The following PDCD7 variants were observed in gnomAD, a reference collection of about 807,000 sequenced individuals.
The protein encoded by PDCD7 is programmed cell death 7.
A neutral mutation model predicts 42.1 loss-of-function variants in PDCD7; 40 were observed. That is an observed-to-expected ratio of 0.95 (90% CI 0.74 to 1.24). PDCD7 has a LOEUF of 1.24. Ranked by LOEUF, PDCD7 falls within the 50% of genes most tolerant of loss-of-function variation. The pLI, the probability that PDCD7 is intolerant of heterozygous loss-of-function variation, is 0.00. For synonymous variants in PDCD7, 299 were observed against 303.3 expected (o/e 0.99, Z 0.15); for missense variants, 644 against 662.8 (o/e 0.97, Z 0.31).
rs142897306 is a variant in PDCD7 at position 65,128,202 on chromosome 15, C to T, written c.1009+830G>A. Among the ~76,000 whole-genome samples, 109 of 152,288 alleles carry T rather than the reference C, an allele frequency of 7.2e-4. 1 individual carries two copies. Among genetic ancestry groups the T allele is most frequent in the African/African-American group, 2.6e-3 (107 of 41,546 alleles). On this transcript the variant is annotated intron_variant, in intron 2 of 4. Coordinates refer to ENST00000204549, the MANE Select transcript of PDCD7 (RefSeq NM_005707.2). Reference sequence around the variant, plus strand: ...CACTCTCAAATATCTCTGGTGAATACCAAAGGCCTACAATCTACTAAATAA... The same window carrying T: ...CACTCTCAAATATCTCTGGTGAATATCAAAGGCCTACAATCTACTAAATAA...
chr15:65,120,663 A>ACAC (rs1175486846), intron 2 of PDCD7, among the ~76,000 whole-genome samples: 2 of 152,056 alleles, frequency 1.3e-5, no homozygotes, highest in Non-Finnish European at 2.9e-5. Context: ...AGCGGAGATC[A>ACAC]CACCACTGCA....
intron 3 of PDCD7, 47 bp from the exon 4 acceptor site, chr15:65,119,510 A>G: frequency 1.4e-6 from 2 of 1,402,694 alleles, no homozygotes; most frequent in Non-Finnish European, 2.0e-6. Flanking sequence ...TGATATCCAC[A>G]GTGTATTTCT....
chr15:65,129,318 T>C, intron 1 of PDCD7, 148 bp from the exon 2 acceptor site: 4 of 820,012 alleles, frequency 4.9e-6, no homozygotes, highest in Non-Finnish European at 7.7e-6. Flanking sequence ...TCTTAGGCCT[T>C]GCACAACTCC....
intron 2 of PDCD7, among the ~76,000 whole-genome samples, chr15:65,123,981 T>C (rs1192487934): frequency 1.3e-5 from 2 of 152,218 alleles, no homozygotes; most frequent in African/African-American, 4.8e-5. Flanking sequence ...AATCTGTCTA[T>C]GGCGAAATAC....
chr15:65,120,031 A>G (rs2087440679), intron 2 of PDCD7, 77 bp from the exon 3 acceptor site: 1 of 1,464,334 alleles, frequency 6.8e-7, no homozygotes, highest in Non-Finnish European at 9.2e-7. Flanking sequence ...CCCAGGCTGG[A>G]GTACAGTGGT....
chr15:65,119,103 T>C (rs2087430623), intron 4 of PDCD7: 1 of 480,464 alleles, frequency 2.1e-6, no homozygotes, highest in Non-Finnish European at 3.6e-6. Context: ...TGTATTTGCA[T>C]ATGTGCCTAC....
intron 2 of PDCD7, among the ~76,000 whole-genome samples, chr15:65,125,629 A>G (rs901910621): frequency 6.6e-6 from 1 of 152,184 alleles, no homozygotes; most frequent in Non-Finnish European, 1.5e-5. Context: ...AAACATGTAT[A>G]TAGCATTTAC....
chr15:65,132,293 T>C (rs2087546689), intron 1 of PDCD7, among the ~76,000 whole-genome samples: 1 of 151,496 alleles, frequency 6.6e-6, no homozygotes, highest in African/African-American at 2.4e-5. Context: ...CTCTATTTTT[T>C]TTTTTTTTGA....
intron 2 of PDCD7, among the ~76,000 whole-genome samples, chr15:65,123,907 C>CT (rs1352218743): frequency 1.3e-5 from 2 of 152,156 alleles, no homozygotes; most frequent in African/African-American, 4.8e-5. Context: ...TGTTTCATTT[C>CT]TTTACCTTTA....
chr15:65,133,351 C>A lies in PDCD7; in HGVS notation c.431G>T (p.Arg144Leu). ...GDAALQRLRD[R>L]QWLEAVFGTP... The stretch of plus-strand genomic sequence containing the variant: ...CCCGAACACCGCCTCCAGCCACTGC[C>A]GGTCGCGCAGGCGTTGGAGGGCCGC... The change falls in exon 1 of 5, where the codon CGG becomes CTG. Residue 144 changes from arginine to leucine, a missense_variant. By Grantham distance (102) the Arg-to-Leu change is moderately radical. Transcript: ENST00000204549. 2.4e-6 allele frequency: 3 copies of A among 1,246,950 alleles called. No homozygotes were observed. Among genetic ancestry groups the A allele is most frequent in the Non-Finnish European group, 3.0e-6 (3 of 997,118 alleles). 77.2% of individuals were successfully genotyped at this position (1,246,950 alleles called of 1,614,324 possible).
Position 65,119,926 on chromosome 15 carries a change from C to G in PDCD7, c.1038G>C (p.Glu346Asp). Residue 346 changes from glutamate (E) to aspartate (D), a missense_variant, in exon 3 of 5, where the codon GAG becomes GAC. By Grantham distance (45) the Glu-to-Asp change is conservative (BLOSUM62 2). Coordinates refer to ENST00000204549, the MANE Select transcript of PDCD7 (RefSeq NM_005707.2). Reference protein sequence around the residue: ...KGVCPPASADETFTHHLQRLR... With the variant: ...KGVCPPASADDTFTHHLQRLR... ...GTCGCTGAAGATGATGCGTAAAAGT[C>G]TCATCTGCTGAGGCTGGAGGACAGA... 1 of 1,614,016 alleles carries G rather than the reference C, an allele frequency of 6.2e-7. No homozygotes were observed. Among genetic ancestry groups the G allele is most frequent in the Non-Finnish European group, 8.5e-7 (1 of 1,180,000 alleles).
At position 65,119,400 on chromosome 15, in the gene PDCD7, G is replaced by A. The variant is rs748034952; in HGVS notation, c.1310C>T (p.Ser437Phe). ...CCTGATCTGGATGAGCGCTGGCAGGGAGTGCTCGGCTTGGAGATAATACTG... is the reference window on the plus strand; with the variant it reads ...CCTGATCTGGATGAGCGCTGGCAGGAAGTGCTCGGCTTGGAGATAATACTG... Reference protein sequence around the residue: ...FRQYYLQAEHSLPALIQIRHD... With the variant: ...FRQYYLQAEHFLPALIQIRHD... Residue 437 changes from serine to phenylalanine, a missense_variant, in exon 4 of 5, where the codon TCC becomes TTC. Coordinates refer to ENST00000204549, the MANE Select transcript of PDCD7 (RefSeq NM_005707.2). 8.7e-6 allele frequency: 14 copies of A among 1,613,678 alleles called. No individual in the cohort carries two copies. In the Admixed American group the frequency reaches 1.3e-4, roughly 15 times the overall value.
rs751968910 is a variant in PDCD7 at position 65,132,943 on chromosome 15, T to C, written c.839A>G (p.Lys280Arg). Residue 280 changes from lysine (K) to arginine (R), a missense_variant, in exon 1 of 5, where the codon AAG (lysine) becomes AGG (arginine). Transcript: ENST00000204549. Reference sequence around the variant, plus strand: ...CTTCTCCTCCACCTCCTGCACACACTTCACCCTCCAGCGGTCAATCTCCTG... The same window carrying C: ...CTTCTCCTCCACCTCCTGCACACACCTCACCCTCCAGCGGTCAATCTCCTG... ...REQEIDRWRV[K>R]CVQEVEEKKR... 6 of 1,605,844 alleles carry C rather than the reference T, an allele frequency of 3.7e-6. No homozygotes were observed. The highest frequency in any genetic ancestry group is 1.7e-5 in the Admixed American group (1 of 59,988).
intron 1 of PDCD7, among the ~76,000 whole-genome samples, chr15:65,130,154 C>CTTTT (rs886281618): frequency 1.3e-4 from 13 of 103,654 alleles, no homozygotes; most frequent in East Asian, 2.6e-4. Context: ...CCCCAACCCT[C>CTTTT]TTTTTTTTTT....
At chr15:65,129,782 T>A (rs2087524603) in intron 1 of PDCD7, among the ~76,000 whole-genome samples, 1 of 152,088 alleles carries the variant, frequency 6.6e-6, no homozygotes, top group Admixed American at 6.5e-5. Flanking sequence ...AAGCTGGGCA[T>A]AATGGCATGT....
At chr15:65,124,873 G>A (rs1330935569) in intron 2 of PDCD7, among the ~76,000 whole-genome samples, 2 of 152,142 alleles carry the variant, frequency 1.3e-5, no homozygotes, top group East Asian at 3.8e-4. Context: ...GTCAGCTACA[G>A]TACTACTGGA....
intron 1 of PDCD7, among the ~76,000 whole-genome samples, chr15:65,131,361 T>C (rs1402647309): frequency 6.6e-6 from 1 of 152,106 alleles, no homozygotes; most frequent in African/African-American, 2.4e-5. Flanking sequence ...TTATGGTGAG[T>C]TGTATAATTA....
Position 65,119,919 on chromosome 15 carries a change from TAA to T in PDCD7, c.1043_1044del (p.Phe348TyrfsTer12), listed in dbSNP as rs761531041. The T allele has an allele frequency of 1.2e-6, 2 of 1,614,156 alleles. No homozygotes were observed. The highest frequency in any genetic ancestry group is 1.7e-5 in the Admixed American group (1 of 60,020). ...TTTCTCAGTCGCTGAAGATGATGCGTAAAAGTCTCATCTGCTGAGGCTGGAGG... is the reference window on the plus strand; with the variant it reads ...TTTCTCAGTCGCTGAAGATGATGCGTAAGTCTCATCTGCTGAGGCTGGAGG... ...VCPPASADET[F>X]THHLQRLRKL... On this transcript the variant is annotated frameshift_variant, in exon 3 of 5. Transcript: ENST00000204549. LOFTEE classifies it high-confidence loss of function.
Position 65,133,432 on chromosome 15 carries a change from G to T in PDCD7, c.350C>A (p.Pro117His). The T allele has an allele frequency of 1.7e-6, 2 of 1,185,678 alleles. No individual in the cohort carries two copies. The highest frequency in any genetic ancestry group is 2.1e-6 in the Non-Finnish European group (2 of 958,392). The allele number at this position is 1,185,678 out of a possible 1,614,324, so 73.4% of individuals were successfully genotyped here. Residue 117 changes from proline (P) to histidine (H), a missense_variant, in exon 1 of 5, where the codon CCC (proline) becomes CAC (histidine). Physicochemically the swap from Pro to His is moderately conservative, Grantham distance 77. Transcript: ENST00000204549. ...CGCCTCAGGCCACCGCGGGCTCCAGGGCGGCCCCGGGCCGGGAGGCGGTGG... is the reference window on the plus strand; with the variant it reads ...CGCCTCAGGCCACCGCGGGCTCCAGTGCGGCCCCGGGCCGGGAGGCGGTGG... The part of the protein sequence containing the change: ...PRPPPPGPGP[P>H]WSPRWPEAPP...
Sources: gnomAD v4.1 joint callset for allele counts (sites outside exome capture counted in the v4.1 genomes callset) on GRCh38, gnomAD v4.1.1 for gene constraint, MANE v1.5 for transcripts, NCBI Gene and HGNC (gene_info 2026-07-23, HGNC 2026-07-21) for gene names.